FAM118A: variants seen among roughly 807,000 people sequenced by gnomAD.
The protein encoded by FAM118A is protein FAM118A.
In FAM118A, 25 loss-of-function variants were observed where a neutral mutation model predicts 38.2. That is an observed-to-expected ratio of 0.65 (90% CI 0.48 to 0.91). The LOEUF (loss-of-function observed/expected upper bound fraction) is 0.91, where lower values mean the gene tolerates loss of function less well. Among genes scored for constraint, FAM118A ranks in the 40% least tolerant of loss-of-function variants. FAM118A has a pLI of 0.00. For synonymous variants in FAM118A, 178 were observed against 184.1 expected (o/e 0.97, Z 0.27); for missense variants, 425 against 463.3 (o/e 0.92, Z 0.76).
chr22:45,317,296 T>A (rs1461939294), intron 1 of FAM118A, among the ~76,000 whole-genome samples: 1 of 152,186 alleles, frequency 6.6e-6, no homozygotes, highest in Non-Finnish European at 1.5e-5. Flanking sequence ...GGAGAATTGC[T>A]TGAACCCGGG....
Position 45,336,455 on chromosome 22 carries a change from C to T in FAM118A, c.1054+44C>T, listed in dbSNP as rs770322995. 22 of 1,503,192 alleles carry T rather than the reference C, an allele frequency of 1.5e-5. No homozygotes were observed. In the African/African-American group the frequency reaches 2.1e-4, roughly 14 times the overall value. 93.1% of individuals were successfully genotyped at this position (1,503,192 alleles called of 1,614,324 possible). ...TTGTGGGGAGCTGCCTCGGGTCTCT[C>T]TTGTTGGCAGGCATCTTCAGGGACC... is the stretch of plus-strand genomic sequence containing the variant. On this transcript the variant is annotated intron_variant, in intron 8 of 8. Transcript: ENST00000441876.
intron 3 of FAM118A, among the ~76,000 whole-genome samples, chr22:45,325,397 G>A (rs2085190935): frequency 6.6e-6 from 1 of 152,230 alleles, no homozygotes; most frequent in African/African-American, 2.4e-5. Context: ...CAACACCAGA[G>A]AAGGGTGAGG....
intron 1 of FAM118A, among the ~76,000 whole-genome samples, chr22:45,319,876 C>T (rs1367710943): frequency 1.3e-5 from 2 of 152,184 alleles, no homozygotes; most frequent in East Asian, 1.9e-4. Context: ...AGGTTACAGG[C>T]ATCTGTGAGC....
chr22:45,315,354 A>G (rs2084559196), intron 1 of FAM118A, among the ~76,000 whole-genome samples: 3 of 152,198 alleles, frequency 2.0e-5, no homozygotes, highest in African/African-American at 7.2e-5. Context: ...TATTTTCTGT[A>G]AATTGAAGAA....
At chr22:45,312,460 G>A (rs2084413528) in intron 1 of FAM118A, among the ~76,000 whole-genome samples, 1 of 152,132 alleles carries the variant, frequency 6.6e-6, no homozygotes, top group Non-Finnish European at 1.5e-5. Context: ...ATCATCTGAG[G>A]TCGGCAGTTC....
chr22:45,334,175 A>C (rs1450233228), intron 6 of FAM118A, among the ~76,000 whole-genome samples: 3 of 152,248 alleles, frequency 2.0e-5, no homozygotes, highest in African/African-American at 7.2e-5. Flanking sequence ...AGGAATGACC[A>C]GGGTAAGTGA....
chr22:45,311,422 A>G (rs1029577628), intron 1 of FAM118A, among the ~76,000 whole-genome samples: 6 of 152,172 alleles, frequency 3.9e-5, no homozygotes, highest in African/African-American at 1.4e-4. Flanking sequence ...GTCCTGAGAA[A>G]TGATCCAGCT....
At chr22:45,326,790 A>G (rs1247499604) in intron 3 of FAM118A, among the ~76,000 whole-genome samples, 6 of 142,346 alleles carry the variant, frequency 4.2e-5, no homozygotes, top group Non-Finnish European at 9.0e-5. Flanking sequence ...ACGCCACTGC[A>G]TTTCATCCTG....
chr22:45,326,549 G>A (rs1267717456), intron 3 of FAM118A, among the ~76,000 whole-genome samples: 5 of 151,974 alleles, frequency 3.3e-5, no homozygotes, highest in African/African-American at 7.2e-5. Context: ...AATTTAGGCC[G>A]GGTATAGTGG....
intron 8 of FAM118A, among the ~76,000 whole-genome samples, chr22:45,339,681 G>T (rs977504000): frequency 2.0e-5 from 3 of 152,164 alleles, no homozygotes; most frequent in African/African-American, 7.2e-5. Context: ...CTCCTCCAGT[G>T]CCTGCTGACA....
intron 3 of FAM118A, 82 bp downstream of exon 3, chr22:45,323,509 T>C: frequency 3.3e-6 from 5 of 1,534,300 alleles, no homozygotes; most frequent in Non-Finnish European, 4.4e-6. Context: ...TGTTAAACTC[T>C]GCAGGCCTAA....
At chr22:45,311,133 C>T (rs1286996270) in intron 1 of FAM118A, among the ~76,000 whole-genome samples, 1 of 151,960 alleles carries the variant, frequency 6.6e-6, no homozygotes, top group Non-Finnish European at 1.5e-5. Flanking sequence ...TCTTAGGAGT[C>T]GTGGGGAGGA....
chr22:45,327,666 G>A (rs1019980487), intron 3 of FAM118A, among the ~76,000 whole-genome samples, 176 bp from the exon 4 acceptor site: 12 of 152,200 alleles, frequency 7.9e-5, no homozygotes, highest in Admixed American at 3.9e-4. Context: ...CACCGGTGGC[G>A]TGCTACACGT....
At chr22:45,326,397 G>A (rs915755932) in intron 3 of FAM118A, among the ~76,000 whole-genome samples, 1 of 152,186 alleles carries the variant, frequency 6.6e-6, no homozygotes, top group East Asian at 1.9e-4. Flanking sequence ...GAGTATATGC[G>A]GCACTACGGG....
chr22:45,333,167 C>T (rs2085846156), intron 6 of FAM118A, among the ~76,000 whole-genome samples: 1 of 152,160 alleles, frequency 6.6e-6, no homozygotes, highest in Non-Finnish European at 1.5e-5. Context: ...AAAACTGCCT[C>T]TGTAATTTAA....
intron 2 of FAM118A, 121 bp downstream of exon 2, chr22:45,322,547 A>G (rs753126478): frequency 2.0e-5 from 18 of 884,422 alleles, no homozygotes; most frequent in African/African-American, 3.4e-5. Context: ...ACACTGGGGC[A>G]TGAGAGAACC....
At chr22:45,330,880 G>A (rs924223053) in intron 5 of FAM118A, 149 bp downstream of exon 5, 34 of 788,844 alleles carry the variant, frequency 4.3e-5, no homozygotes, top group Admixed American at 1.7e-4. Context: ...GAGGGGCCAC[G>A]TCTCTTGTCC....
intron 8 of FAM118A, among the ~76,000 whole-genome samples, chr22:45,340,150 G>T (rs749197499): frequency 6.6e-6 from 1 of 152,336 alleles, no homozygotes; most frequent in Non-Finnish European, 1.5e-5. Context: ...CATGGATTGA[G>T]ATTCCCACAG....
Position 45,341,809 on chromosome 22 carries a change from A to G in FAM118A, c.*1404A>G, listed in dbSNP as rs1174324042. ...GTGACACTCCCCATTGATGACTCCC[A>G]TAGGTACAGATAAAGTTAAGAACAG... On this transcript the variant is annotated 3_prime_UTR_variant, in exon 9 of 9. Coordinates refer to ENST00000441876, the MANE Select transcript of FAM118A (RefSeq NM_017911.4). The G allele has an allele frequency of 6.6e-6, 1 of 152,214 alleles. No individual in the cohort carries two copies. Among genetic ancestry groups the G allele is most frequent in the East Asian group, 1.9e-4 (1 of 5,198 alleles). The allele number at this position is 152,214 out of a possible 1,614,324, so 9.4% of individuals were successfully genotyped here. A position where few individuals can be genotyped will look rare whatever the true frequency, so the allele number is the denominator to read the frequency against.
Sources: gnomAD v4.1 joint callset for allele counts (sites outside exome capture counted in the v4.1 genomes callset) on GRCh38, gnomAD v4.1.1 for gene constraint, MANE v1.5 for transcripts, NCBI Gene and HGNC (gene_info 2026-07-23, HGNC 2026-07-21) for gene names.